SUSD2: variants seen among roughly 807,000 people sequenced by gnomAD.
SUSD2 encodes the protein sushi domain containing 2.
In SUSD2, 86 loss-of-function variants were observed where a neutral mutation model predicts 93.8. The observed-to-expected ratio is 0.92, with a 90% CI of 0.77 to 1.10. The LOEUF (loss-of-function observed/expected upper bound fraction) is 1.10. Among genes scored for constraint, SUSD2 ranks in the 50% least tolerant of loss-of-function variants. The pLI is 0.00. For missense variants in SUSD2, 1,060 were observed against 1,137.0 expected (o/e 0.93, Z 0.97); for synonymous variants, 483 against 485.0 (o/e 1.00, Z 0.05).
In SUSD2 at chr22:24,185,708, C is replaced by T. The variant is rs370542103; in HGVS notation, c.1118C>T (p.Thr373Met). 23 of 1,610,802 alleles carry T rather than the reference C, an allele frequency of 1.4e-5. No individual in the cohort carries two copies. The highest frequency in any genetic ancestry group is 3.3e-5 in the South Asian group (3 of 90,790). The change falls in exon 8 of 15, where the codon ACG (threonine) becomes ATG (methionine). Residue 373 changes from threonine to methionine, a missense_variant. Transcript: ENST00000358321. Reference protein sequence around the residue: ...GQQCCYTADGTQLLTADSSGG... With the variant: ...GQQCCYTADGMQLLTADSSGG... ...CAGTGCTGCTACACAGCGGACGGGA[C>T]GCAGCTCCTGACAGCTGACTCCAGC... is the stretch of plus-strand genomic sequence containing the variant.
Position 24,181,499 on chromosome 22 carries a change from G to C in SUSD2, c.-21G>C, listed in dbSNP as rs1463207196. 8 of 1,547,586 alleles carry C rather than the reference G, an allele frequency of 5.2e-6. No homozygotes were observed. Among genetic ancestry groups the C allele is most frequent in the Non-Finnish European group, 7.0e-6 (8 of 1,149,000 alleles). On this transcript the variant is annotated 5_prime_UTR_variant, in exon 1 of 15. Coordinates refer to ENST00000358321, the MANE Select transcript of SUSD2 (RefSeq NM_019601.4). ...TCGCCTCGGAGCCACTGCACTGCTG[G>C]CTGCAGACACAGGCTGCACCATGAA... is the stretch of plus-strand genomic sequence containing the variant.
chr22:24,185,748 C>G lies in SUSD2; in HGVS notation c.1158C>G (p.Pro386=). 6.2e-7 allele frequency: 1 copy of G among 1,608,766 alleles called. No individual in the cohort carries two copies. The highest frequency in any genetic ancestry group is 8.5e-7 in the Non-Finnish European group (1 of 1,178,548). The change falls in exon 8 of 15, where the codon CCC becomes CCG. Residue 386 remains proline (P), a synonymous_variant. Transcript: ENST00000358321. ...LTADSSGGST[P]DRGHDWGAPP... ...CTGACTCCAGCGGCGGCAGCACTCC[C>G]GACCGCGGCCATGACTGGGGCGCAC...
chr22:24,184,644 A>G, intron 4 of SUSD2, 122 bp from the exon 5 acceptor site: 1 of 771,316 alleles, frequency 1.3e-6, no homozygotes, highest in Non-Finnish European at 2.1e-6. Flanking sequence ...CTGCTAGAAC[A>G]GCCCCTCCTA....
intron 4 of SUSD2, 135 bp downstream of exon 4, chr22:24,184,438 A>G (rs2047347403): frequency 2.1e-6 from 2 of 971,390 alleles, no homozygotes; most frequent in Non-Finnish European, 3.0e-6. Flanking sequence ...CCAGGCAGAG[A>G]TTGAGGATTC....
Position 24,184,253 on chromosome 22 carries a change from C to G in SUSD2, c.557C>G (p.Ser186Trp), listed in dbSNP as rs749946904. The G allele has an allele frequency of 2.0e-5, 33 of 1,613,578 alleles. No homozygotes were observed. Among genetic ancestry groups the G allele is most frequent in the Non-Finnish European group, 2.8e-5 (33 of 1,180,022 alleles). Residue 186 changes from serine (S) to tryptophan (W), a missense_variant, in exon 4 of 15, where the codon TCG becomes TGG. Transcript: ENST00000358321. Reference protein sequence around the residue: ...GNLSLTWHVKSLPTQTITIEL... With the variant: ...GNLSLTWHVKWLPTQTITIEL... ...CTCAGCCTGACCTGGCATGTCAAGT[C>G]GCTGCCCACGCAGACCATCACCATC... is the stretch of plus-strand genomic sequence containing the variant.
Position 24,185,288 on chromosome 22 carries a change from G to C in SUSD2, c.977G>C (p.Arg326Pro). 2 of 1,603,142 alleles carry C rather than the reference G, an allele frequency of 1.2e-6. No homozygotes were observed. Among genetic ancestry groups the C allele is most frequent in the South Asian group, 2.2e-5 (2 of 90,790 alleles). Residue 326 changes from arginine to proline, a missense_variant, in exon 6 of 15, where the codon CGC becomes CCC. By Grantham distance (103) the Arg-to-Pro change is moderately radical. This residue lies in a region of SUSD2 where 973 missense variants were observed against 1,005.3 expected (regional missense o/e 0.97). Transcript: ENST00000358321. ...TLTQARADSG[R>P]FFTDYGCDME... ...ACCCAGGCCCGGGCTGACTCCGGCC[G>C]CTTCTTCGTGAGCCTCCCATCAGGG...
At chr22:24,182,049 G>A (rs772573227) in intron 1 of SUSD2, among the ~76,000 whole-genome samples, 4 of 151,526 alleles carry the variant, frequency 2.6e-5, no homozygotes, top group Non-Finnish European at 4.4e-5. Flanking sequence ...AGCATCTCTC[G>A]GCCTCCTCCC....
chr22:24,185,161 G>A lies in SUSD2; in HGVS notation c.850G>A (p.Asp284Asn). 1.2e-6 allele frequency: 2 copies of A among 1,612,648 alleles called. No individual in the cohort carries two copies. Among genetic ancestry groups the A allele is most frequent in the Non-Finnish European group, 1.7e-6 (2 of 1,179,818 alleles). Residue 284 changes from aspartate to asparagine, a missense_variant, in exon 6 of 15, where the codon GAC becomes AAC. Transcript: ENST00000358321. ...AWHLSDDFRE[D>N]PVAWARTQCQ... ...GCACCTGAGCGATGACTTCCGAGAG[G>A]ACCCTGTGGCCTGGGCACGAACTCA...
intron 5 of SUSD2, 32 bp downstream of exon 5, chr22:24,184,972 G>A (rs1470185258): frequency 5.6e-6 from 9 of 1,612,018 alleles, no homozygotes; most frequent in African/African-American, 1.3e-5. Context: ...GGTGATGGCT[G>A]GAGGGCCTCG....
In SUSD2 at chr22:24,186,326, T is replaced by A. The variant is rs2047366402; in HGVS notation, c.1553T>A (p.Val518Asp). ...GAGGGCAACTCAGATGTGGTGGAAG[T>A]CAGGCTGGCCAACAGGACCGGAGGT... is the stretch of plus-strand genomic sequence containing the variant. ...VQEGNSDVVE[V>D]RLANRTGGLE... The change falls in exon 10 of 15, where the codon GTC (valine) becomes GAC (aspartate). Residue 518 changes from valine (V) to aspartate (D), a missense_variant. By Grantham distance (152) the Val-to-Asp change is radical. Coordinates refer to ENST00000358321, the MANE Select transcript of SUSD2 (RefSeq NM_019601.4). 4 of 1,613,936 alleles carry A rather than the reference T, an allele frequency of 2.5e-6. No homozygotes were observed. In the East Asian group the frequency reaches 8.9e-5, roughly 36 times the overall value.
At chr22:24,183,932 G>A in intron 3 of SUSD2, 1 of 663,060 alleles carries the variant, frequency 1.5e-6, no homozygotes, top group Non-Finnish European at 2.5e-6. Context: ...CCAGGTCGAG[G>A]CTAGAGGCGT....
At chr22:24,183,420 G>T in intron 2 of SUSD2, 75 bp from the exon 3 acceptor site, 1 of 1,563,272 alleles carries the variant, frequency 6.4e-7, no homozygotes, top group South Asian at 1.2e-5. Flanking sequence ...GTTCCCCAGG[G>T]AGGTTGGGGG....
chr22:24,183,721 T>G, intron 3 of SUSD2, 75 bp downstream of exon 3: 1 of 1,495,354 alleles, frequency 6.7e-7, no homozygotes. Flanking sequence ...CACCGAGACT[T>G]GGCCTGTCCG....
At chr22:24,183,823 C>T (rs1162965695) in intron 3 of SUSD2, 177 bp downstream of exon 3, 8 of 768,548 alleles carry the variant, frequency 1.0e-5, no homozygotes, top group Non-Finnish European at 1.2e-5. Context: ...GCATCCAGAC[C>T]GCGGTCCCAG....
At chr22:24,185,010 G>C in intron 5 of SUSD2, 70 bp downstream of exon 5, 2 of 1,612,086 alleles carry the variant, frequency 1.2e-6, no homozygotes, top group Non-Finnish European at 1.7e-6. Flanking sequence ...TGCTTGCCTG[G>C]GCAGCCCAGG....
Position 24,181,488 on chromosome 22 carries a change from C to CT in SUSD2, c.-31dup. On this transcript the variant is annotated 5_prime_UTR_variant, in exon 1 of 15. Coordinates refer to ENST00000358321, the MANE Select transcript of SUSD2 (RefSeq NM_019601.4). The stretch of plus-strand genomic sequence containing the variant: ...GTCTGGCCGCCTCGCCTCGGAGCCA[C>CT]TGCACTGCTGGCTGCAGACACAGGC... 6.6e-7 allele frequency: 1 copy of CT among 1,524,722 alleles called. No individual in the cohort carries two copies. Among genetic ancestry groups the CT allele is most frequent in the Non-Finnish European group, 8.8e-7 (1 of 1,133,620 alleles). The allele number at this position is 1,524,722 out of a possible 1,614,324, so 94.4% of individuals were successfully genotyped here.
At chr22:24,183,674 G>GC (rs2047341030) in intron 3 of SUSD2, 28 bp downstream of exon 3, 12 of 1,601,580 alleles carry the variant, frequency 7.5e-6, no homozygotes, top group Non-Finnish European at 9.3e-6. Context: ...CCCACAGCCT[G>GC]CCCCCACGGG....
In SUSD2 at chr22:24,187,290, C is replaced by T. The variant is rs2047373930; in HGVS notation, c.1731C>T (p.Phe577=). 6.2e-7 allele frequency: 1 copy of T among 1,614,118 alleles called. No homozygotes were observed. The highest frequency in any genetic ancestry group is 8.5e-7 in the Non-Finnish European group (1 of 1,180,028). ...TGGAGGTCAGCGTGCAGGGCCCGTT[C>T]CTGAGTGTGTCCGTCCTGCTGCCTG... The part of the protein sequence containing the change: ...AGLEVSVQGP[F]LSVSVLLPEK... Residue 577 remains phenylalanine, a synonymous_variant, in exon 11 of 15, where the codon TTC becomes TTT. Coordinates refer to ENST00000358321, the MANE Select transcript of SUSD2 (RefSeq NM_019601.4).
rs2047367049 is a variant in SUSD2 at position 24,186,421 on chromosome 22, C to A, written c.1642+6C>A. The A allele has an allele frequency of 6.2e-7, 1 of 1,612,324 alleles. No homozygotes were observed. The highest frequency in any genetic ancestry group is 1.3e-5 in the African/African-American group (1 of 74,912). On this transcript the variant is annotated splice_donor_region_variant and intron_variant, in intron 10 of 14. Coordinates refer to ENST00000358321, the MANE Select transcript of SUSD2 (RefSeq NM_019601.4). ...GAGCTGGATGGACCTGAAAGGTGAG[C>A]AGTCCAGCCACGCGAGGCTGCGGGC...
Sources: gnomAD v4.1 joint callset for allele counts (sites outside exome capture counted in the v4.1 genomes callset) on GRCh38, gnomAD v4.1.1 for gene constraint, gnomAD v4.1.1 regional missense constraint, MANE v1.5 for transcripts, NCBI Gene and HGNC (gene_info 2026-07-23, HGNC 2026-07-21) for gene names.